The following TPH2 variants were observed in gnomAD, a reference collection of about 807,000 sequenced individuals.
TPH2 encodes the protein tryptophan 5-hydroxylase 2.
TPH2 carries 27 observed loss-of-function variants against 59.1 expected under a neutral mutation model. The observed-to-expected ratio is 0.46, with a 90% CI of 0.34 to 0.63. TPH2 has a LOEUF of 0.63. Ranked by LOEUF, TPH2 falls within the 30% of genes least tolerant of loss-of-function variation. The probability of loss-of-function intolerance (pLI) is 0.01; values close to 1 mark genes in which losing one functional copy is unlikely to be tolerated. For synonymous variants in TPH2, 220 were observed against 210.5 expected (o/e 1.05, Z -0.39); for missense variants, 523 against 588.3 (o/e 0.89, Z 1.15).
chr12:72,005,618 G>A (rs1872934761), intron 8 of TPH2, among the ~76,000 whole-genome samples: 1 of 152,110 alleles, frequency 6.6e-6, no homozygotes, highest in African/African-American at 2.4e-5. Flanking sequence ...TGTGCTGTCA[G>A]GAAAGTCTTT....
At chr12:72,018,814 AG>A (rs1382522655) in intron 8 of TPH2, among the ~76,000 whole-genome samples, 3 of 152,228 alleles carry the variant, frequency 2.0e-5, no homozygotes, top group African/African-American at 7.2e-5. Context: ...TTGGTTGTGA[AG>A]GAAAATTATG....
intron 8 of TPH2, among the ~76,000 whole-genome samples, chr12:72,007,494 C>T (rs1331228770): frequency 6.6e-6 from 1 of 152,112 alleles, no homozygotes; most frequent in Non-Finnish European, 1.5e-5. Flanking sequence ...AGAACTCCAG[C>T]CAGGTGTTCG....
chr12:71,988,701 A>G (rs1872508810), intron 7 of TPH2, among the ~76,000 whole-genome samples: 1 of 152,186 alleles, frequency 6.6e-6, no homozygotes, highest in Non-Finnish European at 1.5e-5. Context: ...CTGGGTACAA[A>G]TATCTAAGCT....
intron 8 of TPH2, among the ~76,000 whole-genome samples, chr12:72,021,322 T>G (rs1873408504): frequency 6.6e-6 from 1 of 151,878 alleles, no homozygotes; most frequent in Non-Finnish European, 1.5e-5. Context: ...GGGGAAGTTG[T>G]AGTAGTTGAT....
intron 6 of TPH2, among the ~76,000 whole-genome samples, chr12:71,975,608 C>T (rs904476945): frequency 6.6e-6 from 1 of 152,194 alleles, no homozygotes; most frequent in African/African-American, 2.4e-5. Flanking sequence ...TAGAAAATTT[C>T]ATCTCTTCTC....
chr12:72,013,300 C>T (rs1340853732), intron 8 of TPH2, among the ~76,000 whole-genome samples: 2 of 152,196 alleles, frequency 1.3e-5, no homozygotes, highest in Non-Finnish European at 2.9e-5. Flanking sequence ...CCCAACTCTT[C>T]TCTTTTCTCC....
chr12:71,981,599 A>G lies in TPH2; in HGVS notation c.941+2512A>G, dbSNP rs117853204. Among the ~76,000 whole-genome samples, 217 of 152,272 alleles carry G rather than the reference A, an allele frequency of 1.4e-3. 4 individuals are homozygous for G. The East Asian group carries it at 0.038, about 27-fold the overall frequency. ...GAAGTAACAATATCCAGTGACTACAATAGGGGTGAGACGAGGGGAGGGCCC... is the reference window on the plus strand; with the variant it reads ...GAAGTAACAATATCCAGTGACTACAGTAGGGGTGAGACGAGGGGAGGGCCC... On this transcript the variant is annotated intron_variant, in intron 7 of 10. Coordinates refer to ENST00000333850, the MANE Select transcript of TPH2 (RefSeq NM_173353.4).
chr12:72,008,855 A>G (rs1592409459), intron 8 of TPH2, among the ~76,000 whole-genome samples: 1 of 152,292 alleles, frequency 6.6e-6, no homozygotes, highest in African/African-American at 2.4e-5. Flanking sequence ...TTGTTGCTAC[A>G]AAGTGGATTT....
chr12:71,957,703 C>A (rs778789415), intron 5 of TPH2, among the ~76,000 whole-genome samples: 6 of 152,142 alleles, frequency 3.9e-5, no homozygotes, highest in South Asian at 2.1e-4. Context: ...GTTAAAGGAA[C>A]TTTTAAAAAA....
intron 6 of TPH2, among the ~76,000 whole-genome samples, chr12:71,978,568 CA>C (rs1455985475): frequency 6.6e-6 from 1 of 152,196 alleles, no homozygotes; most frequent in Non-Finnish European, 1.5e-5. Context: ...TGAACACATG[CA>C]CACAGAAGAG....
At chr12:71,965,500 C>T (rs1285378908) in intron 5 of TPH2, 1 of 152,150 alleles carries the variant, frequency 6.6e-6, no homozygotes, top group African/African-American at 2.4e-5. Flanking sequence ...GAGATGGTCT[C>T]AGTGTGGTTT....
intron 8 of TPH2, among the ~76,000 whole-genome samples, chr12:72,020,523 T>C (rs764216460): frequency 1.3e-5 from 2 of 152,124 alleles, no homozygotes; most frequent in Non-Finnish European, 2.9e-5. Flanking sequence ...AGTTTTGCTC[T>C]TGTTGCCCAG....
intron 8 of TPH2, among the ~76,000 whole-genome samples, chr12:72,010,016 G>A (rs113687810): frequency 0.012 from 1,858 of 152,270 alleles, 35 homozygotes; most frequent in African/African-American, 0.04. Context: ...GGGGGATTTA[G>A]CACTGGCAAA....
intron 8 of TPH2, among the ~76,000 whole-genome samples, chr12:71,996,779 A>G (rs1872704002): frequency 6.6e-6 from 1 of 152,206 alleles, no homozygotes; most frequent in Admixed American, 6.5e-5. Context: ...TTGTGAGTGC[A>G]GTTAGTCCTT....
chr12:71,961,209 A>G (rs988394789), intron 5 of TPH2, among the ~76,000 whole-genome samples: 3 of 152,190 alleles, frequency 2.0e-5, no homozygotes, highest in Non-Finnish European at 2.9e-5. Context: ...TAGCTGTTTG[A>G]TCTTGGACAG....
At chr12:71,943,354 C>T (rs1210977942) in intron 2 of TPH2, among the ~76,000 whole-genome samples, 1 of 152,080 alleles carries the variant, frequency 6.6e-6, no homozygotes, top group African/African-American at 2.4e-5. Flanking sequence ...CACAGTGTAT[C>T]ATCTGGAGTG....
intron 6 of TPH2, among the ~76,000 whole-genome samples, chr12:71,973,904 C>G (rs1872044156): frequency 6.6e-6 from 1 of 152,016 alleles, no homozygotes; most frequent in Admixed American, 6.6e-5. Context: ...TCATTTCACA[C>G]TCTCTGTGGG....
chr12:71,981,656 G>T (rs1872280632), intron 7 of TPH2, among the ~76,000 whole-genome samples: 2 of 152,182 alleles, frequency 1.3e-5, no homozygotes, highest in African/African-American at 4.8e-5. Context: ...TGTTTGGGAA[G>T]CTGAGTGGAA....
At chr12:72,019,505 T>C (rs73344899) in intron 8 of TPH2, among the ~76,000 whole-genome samples, 1 of 152,332 alleles carries the variant, frequency 6.6e-6, no homozygotes, top group African/African-American at 2.4e-5. Context: ...GAAAAGCTGC[T>C]TTTAAAGCTG....
Sources: gnomAD v4.1 joint callset for allele counts (sites outside exome capture counted in the v4.1 genomes callset) on GRCh38, gnomAD v4.1.1 for gene constraint, MANE v1.5 for transcripts, NCBI Gene and HGNC (gene_info 2026-07-23, HGNC 2026-07-21) for gene names.